TENM4: variants seen among roughly 807,000 people sequenced by gnomAD.
TENM4 encodes the protein teneurin transmembrane protein 4.
In TENM4, 82 loss-of-function variants were observed where a neutral mutation model predicts 243.3. The ratio of observed to expected loss-of-function variants is 0.34; its 90% CI spans 0.28 to 0.40. TENM4 has a LOEUF of 0.40. Among genes scored for constraint, TENM4 ranks in the 10% least tolerant of loss-of-function variants. The probability of loss-of-function intolerance (pLI) is 1.00; values close to 1 mark genes in which losing one functional copy is unlikely to be tolerated. For synonymous variants in TENM4, 1,412 were observed against 1,456.3 expected, an observed-to-expected ratio of 0.97 and a Z score of 0.69; for missense variants, 3,138 against 3,673.3, an observed-to-expected ratio of 0.85 and a Z score of 3.77.
At chr11:79,385,984 A>C (rs907883424) in intron 1 of TENM4, among the ~76,000 whole-genome samples, 1 of 152,242 alleles carries the variant, frequency 6.6e-6, no homozygotes. Context: ...ATGTTCTTTC[A>C]TCCTTAGATT....
intron 1 of TENM4, among the ~76,000 whole-genome samples, chr11:79,333,526 T>C (rs1360643224): frequency 6.6e-6 from 1 of 152,028 alleles, no homozygotes; most frequent in Non-Finnish European, 1.5e-5. Context: ...TGGCTAGGAG[T>C]GACCCATCCC....
At chr11:78,774,159 A>G (rs1342998279) in intron 17 of TENM4, among the ~76,000 whole-genome samples, 7 of 152,246 alleles carry the variant, frequency 4.6e-5, no homozygotes, top group Admixed American at 3.9e-4. Context: ...GAGATAATAT[A>G]TATCAATTAT....
intron 9 of TENM4, among the ~76,000 whole-genome samples, chr11:78,879,825 G>T (rs1183638071): frequency 6.6e-6 from 1 of 151,734 alleles, no homozygotes; most frequent in East Asian, 2.0e-4. Context: ...CATCTGGGAG[G>T]TGAGGAGCAC....
intron 4 of TENM4, among the ~76,000 whole-genome samples, chr11:79,108,897 C>T (rs915713062): frequency 6.6e-6 from 1 of 152,070 alleles, no homozygotes; most frequent in African/African-American, 2.4e-5. Context: ...AGCCCCTTTC[C>T]TCCTTCCCTT....
At chr11:78,761,095 C>A (rs891416250) in intron 18 of TENM4, among the ~76,000 whole-genome samples, 6 of 151,806 alleles carry the variant, frequency 4.0e-5, no homozygotes, top group Admixed American at 2.6e-4. Flanking sequence ...GAGTGGTCAT[C>A]CTTCTGCATG....
chr11:79,250,214 T>C (rs892809517), intron 2 of TENM4, among the ~76,000 whole-genome samples: 2 of 152,246 alleles, frequency 1.3e-5, no homozygotes, highest in African/African-American at 2.4e-5. Flanking sequence ...CTCAAACTTC[T>C]GGTCTCAAGT....
At chr11:78,830,977 T>C (rs1179618371) in intron 12 of TENM4, among the ~76,000 whole-genome samples, 1 of 152,238 alleles carries the variant, frequency 6.6e-6, no homozygotes, top group Non-Finnish European at 1.5e-5. Context: ...TCCTATGTGC[T>C]AGGCACTGTG....
At chr11:79,356,834 C>A (rs564557233) in intron 1 of TENM4, among the ~76,000 whole-genome samples, 11 of 151,766 alleles carry the variant, frequency 7.2e-5, no homozygotes, top group Admixed American at 2.0e-4. Context: ...GGTCCTTTGT[C>A]TTTGATCTGG....
At chr11:79,178,475 A>G (rs1473351942) in intron 3 of TENM4, among the ~76,000 whole-genome samples, 1 of 152,192 alleles carries the variant, frequency 6.6e-6, no homozygotes, top group Non-Finnish European at 1.5e-5. Flanking sequence ...CCAGTGAAAG[A>G]GGTGGAAGAA....
intron 9 of TENM4, among the ~76,000 whole-genome samples, chr11:78,863,362 G>C (rs1328943861): frequency 6.6e-6 from 1 of 152,210 alleles, no homozygotes; most frequent in Non-Finnish European, 1.5e-5. Context: ...GTGGAACTGG[G>C]AGTAGGCAGG....
Position 79,352,854 on chromosome 11 carries a change from A to C in TENM4, c.-320-55311T>G, listed in dbSNP as rs780014277. The stretch of plus-strand genomic sequence containing the variant: ...GGTTTTTGAGGGCTTTCTGTGCACC[A>C]GGCCCAAGTTCTTTCTTAAGAAGTA... On this transcript the variant is annotated intron_variant, in intron 1 of 33. Transcript: ENST00000278550. Among the ~76,000 whole-genome samples, 27 of 152,332 alleles carry C rather than the reference A, an allele frequency of 1.8e-4. No individual in the cohort carries two copies. In the East Asian group the frequency reaches 4.1e-3, roughly 23 times the overall value.
At chr11:78,742,442 T>G (rs113695212) in intron 19 of TENM4, among the ~76,000 whole-genome samples, 46 of 152,308 alleles carry the variant, frequency 3.0e-4, no homozygotes, top group African/African-American at 6.0e-4. Context: ...GGCTCTGTGT[T>G]AGGTGCTGAG....
At chr11:79,247,955 C>T (rs1855548757) in intron 2 of TENM4, among the ~76,000 whole-genome samples, 1 of 152,146 alleles carries the variant, frequency 6.6e-6, no homozygotes, top group South Asian at 2.1e-4. Flanking sequence ...TTGCCTGTGG[C>T]CAGATCTTTG....
At chr11:78,863,634 AAT>A (rs1402623913) in intron 9 of TENM4, among the ~76,000 whole-genome samples, 10 of 152,244 alleles carry the variant, frequency 6.6e-5, no homozygotes, top group Non-Finnish European at 1.5e-4. Flanking sequence ...TAGACTCTGA[AAT>A]ACTATTTTTC....
At chr11:79,356,332 G>A (rs478395) in intron 1 of TENM4, among the ~76,000 whole-genome samples, 119,192 of 152,174 alleles carry the variant, frequency 0.78, 47,018 homozygotes, top group African/African-American at 0.86. Flanking sequence ...CATCTACTAA[G>A]AAGGGATACT....
chr11:78,976,270 A>G (rs1023676893), intron 6 of TENM4, among the ~76,000 whole-genome samples: 4 of 152,218 alleles, frequency 2.6e-5, no homozygotes, highest in Non-Finnish European at 5.9e-5. Context: ...TCTTAGAGTG[A>G]CAGTCAGGGA....
intron 16 of TENM4, among the ~76,000 whole-genome samples, chr11:78,786,116 G>A (rs1856930937): frequency 6.6e-6 from 1 of 152,240 alleles, no homozygotes; most frequent in South Asian, 2.1e-4. Flanking sequence ...ACGTCTGGCT[G>A]AGTTTAAAAT....
intron 15 of TENM4, among the ~76,000 whole-genome samples, chr11:78,804,218 C>G (rs1857342789): frequency 6.6e-6 from 1 of 152,184 alleles, no homozygotes; most frequent in Non-Finnish European, 1.5e-5. Flanking sequence ...TGGGCAGGAT[C>G]ACTTAAAATT....
chr11:79,265,738 A>G (rs1228510324), intron 2 of TENM4, among the ~76,000 whole-genome samples: 2 of 152,074 alleles, frequency 1.3e-5, no homozygotes, highest in East Asian at 3.9e-4. Flanking sequence ...ATCTTCCAGT[A>G]GGATTATAAT....
Sources: gnomAD v4.1 joint callset for allele counts (sites outside exome capture counted in the v4.1 genomes callset) on GRCh38, gnomAD v4.1.1 for gene constraint, MANE v1.5 for transcripts, NCBI Gene and HGNC (gene_info 2026-07-23, HGNC 2026-07-21) for gene names.